TASP1: variants seen among roughly 807,000 people sequenced by gnomAD.
TASP1 encodes the protein threonine aspartase 1.
In TASP1, 16 loss-of-function variants were observed where a neutral mutation model predicts 56.6. That is an observed-to-expected ratio of 0.28 (90% CI 0.19 to 0.43). TASP1 has a LOEUF of 0.43. Ranked by LOEUF, TASP1 falls within the 20% of genes least tolerant of loss-of-function variation. The pLI, the probability that TASP1 is intolerant of heterozygous loss-of-function variation, is 1.00. For synonymous variants in TASP1, 179 were observed against 184.2 expected (o/e 0.97, Z 0.23); for missense variants, 393 against 511.6 (o/e 0.77, Z 2.24).
At chr20:13,415,533 G>T (rs143544851) in intron 13 of TASP1, among the ~76,000 whole-genome samples, 214 of 151,094 alleles carry the variant, frequency 1.4e-3, no homozygotes, top group Non-Finnish European at 2.5e-3. Context: ...CTCAAGGAAG[G>T]TCAAAAACAT....
chr20:13,215,894 C>A, the TASP1 span, among the ~76,000 whole-genome samples: 1 of 152,196 alleles, frequency 6.6e-6, no homozygotes, highest in Non-Finnish European at 1.5e-5. Context: ...ACCCTGGGAG[C>A]ACCTCTGATT....
At chr20:13,249,617 A>C in the TASP1 span, among the ~76,000 whole-genome samples, 1 of 152,174 alleles carries the variant, frequency 6.6e-6, no homozygotes, top group African/African-American at 2.4e-5. Flanking sequence ...CCACAGTCAT[A>C]AAGTTGGTTT....
At chr20:13,124,985 A>G in the TASP1 span, among the ~76,000 whole-genome samples, 2 of 152,214 alleles carry the variant, frequency 1.3e-5, no homozygotes, top group African/African-American at 4.8e-5. Flanking sequence ...CTGTGCCGTT[A>G]TTCTAAAGAG....
the TASP1 span, among the ~76,000 whole-genome samples, chr20:13,358,805 G>A: frequency 0.085 from 12,597 of 148,538 alleles, 552 homozygotes; most frequent in African/African-American, 0.13. Flanking sequence ...GTCAGACCAC[G>A]CAGGGACGCC....
chr20:13,391,984 A>G (rs1431084411), intron 13 of TASP1, among the ~76,000 whole-genome samples: 4 of 150,884 alleles, frequency 2.7e-5, no homozygotes, highest in Non-Finnish European at 5.9e-5. Context: ...AAAAAAAAAA[A>G]GAAAGAAAGA....
the TASP1 span, among the ~76,000 whole-genome samples, chr20:13,210,616 CGTGTGTGTGTGTGT>C: frequency 6.8e-6 from 1 of 147,406 alleles, no homozygotes; most frequent in East Asian, 2.0e-4. Context: ...CATGTGCACA[CGTGTGTGTGTGTGT>C]GTGTGTGTGT....
chr20:13,568,865 A>G lies in TASP1; in HGVS notation c.568+642T>C, dbSNP rs145903427. On this transcript the variant is annotated intron_variant, in intron 7 of 13. Transcript: ENST00000337743. ...TTTAACCAAACACTTACCAGGAGTAATATGTTTTAAATCTTTCAAAAGTTA... is the reference window on the plus strand; with the variant it reads ...TTTAACCAAACACTTACCAGGAGTAGTATGTTTTAAATCTTTCAAAAGTTA... Among the ~76,000 whole-genome samples the G allele has an allele frequency of 1.1e-3, 172 of 152,308 alleles. 1 individual carries two copies. The highest frequency in any genetic ancestry group is 3.4e-3 in the Middle Eastern group (1 of 294).
chr20:13,383,960 G>A, the TASP1 span, among the ~76,000 whole-genome samples: 1 of 150,244 alleles, frequency 6.7e-6, no homozygotes, highest in Non-Finnish European at 1.5e-5. Flanking sequence ...TTTACCAGGT[G>A]GGAAAGACTG....
the TASP1 span, among the ~76,000 whole-genome samples, chr20:13,268,118 T>TCTCTTCTCTTCTCTC: frequency 2.7e-5 from 3 of 110,052 alleles, no homozygotes; most frequent in African/African-American, 1.1e-4. Context: ...TCTCCTGTCT[T>TCTCTTCTCTTCTCTC]CTCTTCTCTT....
At chr20:13,590,130 G>A (rs994452091) in intron 4 of TASP1, among the ~76,000 whole-genome samples, 2 of 152,130 alleles carry the variant, frequency 1.3e-5, no homozygotes, top group South Asian at 2.1e-4. Context: ...TACTCAGGAG[G>A]CTGAGGCACG....
chr20:13,616,733 T>C, intron 4 of TASP1: 1 of 163,162 alleles, frequency 6.1e-6, no homozygotes, highest in South Asian at 1.5e-4. Context: ...TTCTAGGGTC[T>C]CAGAAAAAGA....
the TASP1 span, among the ~76,000 whole-genome samples, chr20:13,158,872 G>A: frequency 5.3e-5 from 8 of 152,200 alleles, no homozygotes; most frequent in African/African-American, 1.9e-4. Flanking sequence ...CTCCACGTCT[G>A]GTTCAAGAAT....
chr20:13,454,643 A>T (rs1362697112), intron 11 of TASP1, among the ~76,000 whole-genome samples: 1 of 152,184 alleles, frequency 6.6e-6, no homozygotes, highest in Non-Finnish European at 1.5e-5. Context: ...TGTCATTTCA[A>T]CCAGATTATT....
intron 7 of TASP1, 119 bp from the exon 8 acceptor site, chr20:13,559,233 G>A: frequency 1.9e-6 from 1 of 537,910 alleles, no homozygotes; most frequent in Non-Finnish European, 3.0e-6. Flanking sequence ...TTAAATTAAG[G>A]GTTTAAAAAG....
At chr20:13,377,468 G>T in the TASP1 span, among the ~76,000 whole-genome samples, 1 of 152,138 alleles carries the variant, frequency 6.6e-6, no homozygotes, top group Admixed American at 6.5e-5. Context: ...TGCTGGATTC[G>T]GTTTGCCAGT....
the TASP1 span, among the ~76,000 whole-genome samples, chr20:13,111,114 A>C: frequency 1.3e-5 from 2 of 152,044 alleles, no homozygotes; most frequent in African/African-American, 4.8e-5. Context: ...TAATAATAAG[A>C]AGCTTGGTTT....
the TASP1 span, among the ~76,000 whole-genome samples, chr20:13,283,555 C>A: frequency 6.6e-6 from 1 of 152,118 alleles, no homozygotes; most frequent in East Asian, 1.9e-4. Flanking sequence ...AGAAGACAGA[C>A]CCCACTTGTG....
At chr20:13,377,842 T>G in the TASP1 span, among the ~76,000 whole-genome samples, 2 of 152,186 alleles carry the variant, frequency 1.3e-5, no homozygotes, top group Admixed American at 6.5e-5. Flanking sequence ...TTCTTCTAGA[T>G]TTGCTAGTTT....
chr20:13,373,315 CT>C, the TASP1 span, among the ~76,000 whole-genome samples: 4 of 152,182 alleles, frequency 2.6e-5, no homozygotes, highest in East Asian at 1.9e-4. Context: ...AATATATATA[CT>C]GTCTTTCATA....
Sources: allele counts gnomAD v4.1 joint callset (sites outside exome capture counted in the v4.1 genomes callset), GRCh38; gene constraint gnomAD v4.1.1; transcripts MANE v1.5; gene names NCBI Gene and HGNC (gene_info 2026-07-23, HGNC 2026-07-21).